AGR2: variants seen among roughly 807,000 people sequenced by gnomAD.
AGR2 encodes the protein anterior gradient protein 2 homolog.
A neutral mutation model predicts 25.9 loss-of-function variants in AGR2; 27 were observed. That is an observed-to-expected ratio of 1.04 (90% CI 0.77 to 1.44). The LOEUF is 1.44. Ranked by LOEUF, AGR2 falls within the 40% of genes most tolerant of loss-of-function variation. AGR2 has a pLI of 0.00. For missense variants in AGR2, 182 were observed against 200.9 expected (o/e 0.91, Z 0.57); for synonymous variants, 78 against 72.0 (o/e 1.08, Z -0.42).
At chr7:16,801,860 G>T (rs1785152060) in intron 1 of AGR2, 57 bp from the exon 2 acceptor site, 24 of 1,517,328 alleles carry the variant, frequency 1.6e-5, no homozygotes, top group Non-Finnish European at 2.1e-5. Context: ...AGTCTTCAGG[G>T]TCTGCAGGTT....
intron 1 of AGR2, among the ~76,000 whole-genome samples, chr7:16,804,165 G>C (rs976684930): frequency 6.7e-6 from 1 of 150,074 alleles, no homozygotes; most frequent in African/African-American, 2.4e-5. Context: ...CTGAGTTTTC[G>C]TAATGTGAAT....
chr7:16,796,501 G>T (rs1785047764), intron 6 of AGR2, among the ~76,000 whole-genome samples: 2 of 152,102 alleles, frequency 1.3e-5, no homozygotes, highest in African/African-American at 2.4e-5. Context: ...CATATGATTA[G>T]CATGAATTGT....
Position 16,801,180 on chromosome 7 carries a change from T to C in AGR2, c.227A>G (p.His76Arg). The C allele has an allele frequency of 1.2e-6, 2 of 1,613,950 alleles. No homozygotes were observed. The highest frequency in any genetic ancestry group is 1.7e-6 in the Non-Finnish European group (2 of 1,179,898). Reference protein sequence around the residue: ...KTSNKPLMIIHHLDECPHSQA... With the variant: ...KTSNKPLMIIRHLDECPHSQA... ...ACTGTGTGGGCACTCATCCAAGTGA[T>C]GAATAATCATCAAGGGTTTGTTGCT... The change falls in exon 4 of 8, where the codon CAT becomes CGT. Residue 76 changes from histidine to arginine, a missense_variant. His to Arg is a conservative substitution (Grantham distance 29). Transcript: ENST00000419304.
chr7:16,792,475 G>C lies in AGR2; in HGVS notation c.*433C>G, dbSNP rs377154792. ...CTTGATACTTCTGTTGATTAAGCTC[G>C]TGTCTACTTACAGTCATCTAGTGAG... On this transcript the variant is annotated 3_prime_UTR_variant, in exon 8 of 8. Coordinates refer to ENST00000419304, the MANE Select transcript of AGR2 (RefSeq NM_006408.4). 2 of 158,702 alleles carry C rather than the reference G, an allele frequency of 1.3e-5. No individual in the cohort carries two copies. The highest frequency in any genetic ancestry group is 4.8e-5 in the African/African-American group (2 of 41,588). The allele number at this position is 158,702 out of a possible 1,614,324, so 9.8% of individuals were successfully genotyped here. A position where few individuals can be genotyped will look rare whatever the true frequency, so the allele number is the denominator to read the frequency against.
At chr7:16,802,812 T>C (rs1785171431) in intron 1 of AGR2, among the ~76,000 whole-genome samples, 1 of 152,080 alleles carries the variant, frequency 6.6e-6, no homozygotes. Context: ...TAGATATACA[T>C]ACTCTAGTAG....
Position 16,797,128 on chromosome 7 carries a change from T to G in AGR2, c.394+503A>C, listed in dbSNP as rs567768039. Among the ~76,000 whole-genome samples, 210 of 152,078 alleles carry G rather than the reference T, an allele frequency of 1.4e-3. 2 individuals are homozygous for G. Among genetic ancestry groups the G allele is most frequent in the African/African-American group, 4.8e-3 (201 of 41,508 alleles). On this transcript the variant is annotated intron_variant, in intron 6 of 7. Coordinates refer to ENST00000419304, the MANE Select transcript of AGR2 (RefSeq NM_006408.4). ...TTTTTAGTAGAGATGGGGTTTCACC[T>G]TGTTGGCCAGGCTGGTTTGGAGCTC...
intron 4 of AGR2, among the ~76,000 whole-genome samples, chr7:16,800,829 C>T (rs928613591): frequency 4.6e-5 from 7 of 152,154 alleles, no homozygotes; most frequent in African/African-American, 1.4e-4. Flanking sequence ...TGAGATGGCA[C>T]AGGCTTCATG....
intron 7 of AGR2, chr7:16,794,635 AGTGT>A: frequency 1.8e-6 from 1 of 567,826 alleles, no homozygotes; most frequent in South Asian, 3.0e-5. Flanking sequence ...TGATAGAAGG[AGTGT>A]GTGCTCGTGT....
rs1407805887 is a variant in AGR2, at chr7:16,794,834, GCCTA to G, written c.478+98_478+101del. The G allele has an allele frequency of 1.0e-5, 16 of 1,582,252 alleles. No individual in the cohort carries two copies. The East Asian group carries it at 3.8e-4, about 37-fold the overall frequency. ...CAAACTGAGTCCGAGGCGTCCCTAA[GCCTA>G]GCTCTCTCTCACCTCACCATGCAGC... is the stretch of plus-strand genomic sequence containing the variant. On this transcript the variant is annotated intron_variant, in intron 7 of 7. Coordinates refer to ENST00000419304, the MANE Select transcript of AGR2 (RefSeq NM_006408.4).
chr7:16,792,808 G>C lies in AGR2; in HGVS notation c.*100C>G, dbSNP rs1784984390. On this transcript the variant is annotated 3_prime_UTR_variant, in exon 8 of 8. Coordinates refer to ENST00000419304, the MANE Select transcript of AGR2 (RefSeq NM_006408.4). Reference sequence around the variant, plus strand: ...GTAACATTAAACCATAACCTAATCAGTGTGTTCACTATGCTTCCACACTAG... The same window carrying C: ...GTAACATTAAACCATAACCTAATCACTGTGTTCACTATGCTTCCACACTAG... The C allele has an allele frequency of 9.7e-7, 1 of 1,031,652 alleles. No individual in the cohort carries two copies. The highest frequency in any genetic ancestry group is 1.6e-5 in the African/African-American group (1 of 63,024). The allele number at this position is 1,031,652 out of a possible 1,614,324, so 63.9% of individuals were successfully genotyped here.
chr7:16,804,608 T>C (rs1385344210), intron 1 of AGR2, among the ~76,000 whole-genome samples: 2 of 152,202 alleles, frequency 1.3e-5, no homozygotes, highest in Non-Finnish European at 2.9e-5. Flanking sequence ...AAGAAAGCTT[T>C]AGATGGTGAC....
At position 16,801,703 on chromosome 7, in the gene AGR2, C is replaced by G. The variant is rs1315502892; in HGVS notation, c.94G>C (p.Asp32His). The change falls in exon 2 of 8, where the codon GAC becomes CAC. Residue 32 changes from aspartate to histidine, a missense_variant. Transcript: ENST00000419304. ...DTTVKPGAKK[D>H]TKDSRPKLPQ... ...AGTTTGGGTCGAGAGTCCTTTGTGT[C>G]CTTTTTGGCTCCAGGTTTGACTGTG... The G allele has an allele frequency of 2.5e-6, 4 of 1,613,480 alleles. No homozygotes were observed. The highest frequency in any genetic ancestry group is 3.3e-5 in the Admixed American group (2 of 59,906).
chr7:16,795,422 A>C (rs941958946), intron 6 of AGR2, among the ~76,000 whole-genome samples: 1 of 151,796 alleles, frequency 6.6e-6, no homozygotes, highest in Non-Finnish European at 1.5e-5. Flanking sequence ...ATCATTGGAA[A>C]CCCACATCCA....
chr7:16,799,837 C>A lies in AGR2; in HGVS notation c.257-20G>T, dbSNP rs755447979. 1.3e-6 allele frequency: 2 copies of A among 1,513,614 alleles called. No homozygotes were observed. Among genetic ancestry groups the A allele is most frequent in the East Asian group, 2.3e-5 (1 of 44,212 alleles). The allele number at this position is 1,513,614 out of a possible 1,614,324, so 93.8% of individuals were successfully genotyped here. On this transcript the variant is annotated intron_variant, in intron 4 of 7. Transcript: ENST00000419304. ...TTAAAGCTATAATATAAAGAAAAAT[C>A]ATTAAGCATCCATCTTAGCATTGGT...
intron 4 of AGR2, 76 bp downstream of exon 4, chr7:16,801,075 C>T (rs1251743742): frequency 6.0e-6 from 7 of 1,171,596 alleles, no homozygotes; most frequent in Non-Finnish European, 8.6e-6. Context: ...TCTAAAGATA[C>T]AAACATGAGT....
At position 16,797,347 on chromosome 7, in the gene AGR2, A is replaced by G. The variant is rs113154797; in HGVS notation, c.394+284T>C. 5.2e-3 allele frequency among the ~76,000 whole-genome samples: 794 copies of G among 152,360 alleles called. 6 individuals are homozygous for G. Among genetic ancestry groups the G allele is most frequent in the African/African-American group, 0.018 (752 of 41,592 alleles). Reference sequence around the variant, plus strand: ...TCTCGTATTCAGGAAATTTATCAATATGTTTAAATAGTGAATAGGGTGCTT... The same window carrying G: ...TCTCGTATTCAGGAAATTTATCAATGTGTTTAAATAGTGAATAGGGTGCTT... On this transcript the variant is annotated intron_variant, in intron 6 of 7. Coordinates refer to ENST00000419304, the MANE Select transcript of AGR2 (RefSeq NM_006408.4).
rs1784970608 is a variant in AGR2, at chr7:16,791,819, A to G, written c.*1089T>C. On this transcript the variant is annotated 3_prime_UTR_variant, in exon 8 of 8. Coordinates refer to ENST00000419304, the MANE Select transcript of AGR2 (RefSeq NM_006408.4). ...TTAATAATGCCAAAAGATCTGTTCA[A>G]AAAAGGTTTTATCCAAAAAAGTTAA... 6.7e-6 allele frequency: 1 copy of G among 149,930 alleles called. No homozygotes were observed. Among genetic ancestry groups the G allele is most frequent in the Admixed American group, 6.5e-5 (1 of 15,270 alleles). The allele number at this position is 149,930 out of a possible 1,614,324, so 9.3% of individuals were successfully genotyped here.
At chr7:16,801,298 T>G (rs1413300323) in intron 3 of AGR2, 22 bp downstream of exon 3, 1 of 1,612,888 alleles carries the variant, frequency 6.2e-7, no homozygotes, top group African/African-American at 1.3e-5. Context: ...TTGAGGGAGC[T>G]CTGAGTAATC....
chr7:16,796,927 CTT>C (rs35502186), intron 6 of AGR2, among the ~76,000 whole-genome samples: 21 of 147,278 alleles, frequency 1.4e-4, no homozygotes, highest in Admixed American at 2.0e-4. Context: ...CCTCATATTC[CTT>C]TTTTTTTTTT....
Sources: gnomAD v4.1 joint callset for allele counts (sites outside exome capture counted in the v4.1 genomes callset) on GRCh38, gnomAD v4.1.1 for gene constraint, MANE v1.5 for transcripts, NCBI Gene and HGNC (gene_info 2026-07-23, HGNC 2026-07-21) for gene names.